CNNM2: variants seen among roughly 807,000 people sequenced by gnomAD.
CNNM2 encodes the protein cyclin and CBS domain divalent metal cation transport mediator 2.
In CNNM2, 12 loss-of-function variants were observed where a neutral mutation model predicts 66.9. The ratio of observed to expected loss-of-function variants is 0.18; its 90% CI spans 0.11 to 0.29. The LOEUF is 0.29. Ranked by LOEUF, CNNM2 falls within the 10% of genes least tolerant of loss-of-function variation. The pLI, the probability that CNNM2 is intolerant of heterozygous loss-of-function variation, is 1.00. For synonymous variants in CNNM2, 557 were observed against 501.8 expected, an observed-to-expected ratio of 1.11 and a Z score of -1.47; for missense variants, 705 against 1,167.7, an observed-to-expected ratio of 0.60 and a Z score of 5.77.
chr10:102,994,106 T>A (rs1246717697), intron 1 of CNNM2, among the ~76,000 whole-genome samples: 1 of 152,064 alleles, frequency 6.6e-6, no homozygotes, highest in Non-Finnish European at 1.5e-5. Flanking sequence ...CGAGCTAATT[T>A]TTGTATTTTT....
chr10:102,964,957 G>A (rs1042725001), intron 1 of CNNM2, among the ~76,000 whole-genome samples: 1 of 152,100 alleles, frequency 6.6e-6, no homozygotes, highest in Non-Finnish European at 1.5e-5. Flanking sequence ...TCAGCACTTG[G>A]CCCTCCTACT....
intron 1 of CNNM2, among the ~76,000 whole-genome samples, chr10:102,983,699 C>G (rs909141693): frequency 2.0e-5 from 3 of 152,028 alleles, no homozygotes; most frequent in Non-Finnish European, 1.5e-5. Flanking sequence ...CCTTGTCTTC[C>G]CAAAGTGCTG....
intron 1 of CNNM2, among the ~76,000 whole-genome samples, chr10:102,924,511 T>G (rs983232563): frequency 6.6e-6 from 1 of 152,254 alleles, no homozygotes; most frequent in African/African-American, 2.4e-5. Context: ...TTAGGTAATT[T>G]CTTTCTATAA....
Position 102,976,611 on chromosome 10 carries a change from A to ATTTTTTTTTTT in CNNM2, c.1621+56528_1621+56538dup, listed in dbSNP as rs66498944. Among the ~76,000 whole-genome samples, 250 of 59,436 alleles carry ATTTTTTTTTTT rather than the reference A, an allele frequency of 4.2e-3. 11 individuals carry two copies. Among genetic ancestry groups the ATTTTTTTTTTT allele is most frequent in the African/African-American group, 5.3e-3 (67 of 12,652 alleles). The allele number at this position is 59,436 out of a possible 152,430, so 39.0% of individuals were successfully genotyped here. A position where few individuals can be genotyped will look rare whatever the true frequency, so the allele number is the denominator to read the frequency against. On this transcript the variant is annotated intron_variant, in intron 1 of 7. Transcript: ENST00000369878. The stretch of plus-strand genomic sequence containing the variant: ...CAGGTGTGCGCCACACGCCCAGGTA[A>ATTTTTTTTTTT]TTTTTTTTTTTTTTTTTTTTTTTTT...
chr10:103,024,684 TAGTC>T (rs2064664624), intron 1 of CNNM2, among the ~76,000 whole-genome samples: 1 of 152,088 alleles, frequency 6.6e-6, no homozygotes, highest in South Asian at 2.1e-4. Context: ...TTCACCGTGT[TAGTC>T]AGGATGATCT....
intron 1 of CNNM2, among the ~76,000 whole-genome samples, chr10:103,013,996 G>C (rs765128694): frequency 1.2e-4 from 18 of 152,136 alleles, no homozygotes; most frequent in Non-Finnish European, 2.2e-4. Flanking sequence ...GAAACTCCTA[G>C]AGTAAGTAAG....
At chr10:102,931,847 A>T (rs1590267675) in intron 1 of CNNM2, among the ~76,000 whole-genome samples, 4 of 122,818 alleles carry the variant, frequency 3.3e-5, no homozygotes, top group East Asian at 5.3e-4. Flanking sequence ...TGTTATTGTT[A>T]AAAAAAAAAA....
At chr10:103,041,972 C>G (rs952586142) in intron 1 of CNNM2, among the ~76,000 whole-genome samples, 22 of 152,212 alleles carry the variant, frequency 1.4e-4, no homozygotes, top group Admixed American at 1.2e-3. Flanking sequence ...TTGTCTGTAG[C>G]TTACCTCTGT....
rs558963784 is a variant in CNNM2 at position 102,933,547 on chromosome 10, G to A, written c.1621+13446G>A. Among the ~76,000 whole-genome samples, 14 of 152,174 alleles carry A rather than the reference G, an allele frequency of 9.2e-5. No homozygotes were observed. In the South Asian group the frequency reaches 2.9e-3, roughly 32 times the overall value. ...AGAAAAATGCTTTTAAAAAACATGA[G>A]TTTGTTGAGGTTATCTTACATTTAC... On this transcript the variant is annotated intron_variant, in intron 1 of 7. Coordinates refer to ENST00000369878, the MANE Select transcript of CNNM2 (RefSeq NM_017649.5).
chr10:103,020,698 C>A (rs1355501051), intron 1 of CNNM2, among the ~76,000 whole-genome samples: 2 of 151,810 alleles, frequency 1.3e-5, no homozygotes, highest in Non-Finnish European at 2.9e-5. Flanking sequence ...TGTGGCCAGG[C>A]AAATAAGATG....
rs1003049476 is a variant in CNNM2 at position 103,077,239 on chromosome 10, G to A, written c.*59G>A. On this transcript the variant is annotated 3_prime_UTR_variant, in exon 8 of 8. Coordinates refer to ENST00000369878, the MANE Select transcript of CNNM2 (RefSeq NM_017649.5). ...CGCCCAGTCCCGAGGGCCCGGCCCT[G>A]TCTGCCCATGACTTCACTGGTGTGA... 5.4e-6 allele frequency: 8 copies of A among 1,484,542 alleles called. No individual in the cohort carries two copies. The African/African-American group carries it at 9.6e-5, about 18-fold the overall frequency. 92.0% of individuals were successfully genotyped at this position (1,484,542 alleles called of 1,614,324 possible). A position where few individuals can be genotyped will look rare whatever the true frequency, so the allele number is the denominator to read the frequency against.
intron 1 of CNNM2, among the ~76,000 whole-genome samples, chr10:102,988,336 G>C (rs918474380): frequency 3.3e-5 from 5 of 152,004 alleles, no homozygotes; most frequent in African/African-American, 1.2e-4. Context: ...AAAGGCGTGG[G>C]ACAAAGATAG....
At chr10:103,046,932 T>C (rs1211145533) in intron 1 of CNNM2, among the ~76,000 whole-genome samples, 1 of 152,226 alleles carries the variant, frequency 6.6e-6, no homozygotes, top group Non-Finnish European at 1.5e-5. Flanking sequence ...TCTGAAACCA[T>C]ACCAGTAGAC....
At chr10:102,968,338 C>G (rs1229455310) in intron 1 of CNNM2, among the ~76,000 whole-genome samples, 4 of 152,076 alleles carry the variant, frequency 2.6e-5, no homozygotes, top group Non-Finnish European at 4.4e-5. Context: ...CCTCTGCCTC[C>G]TGGGTTCAAG....
At chr10:103,001,458 G>A (rs944860471) in intron 1 of CNNM2, among the ~76,000 whole-genome samples, 2 of 152,154 alleles carry the variant, frequency 1.3e-5, no homozygotes, top group Non-Finnish European at 2.9e-5. Context: ...ATTGAGACTA[G>A]AAATAAACCC....
At chr10:103,000,759 A>G (rs1362646890) in intron 1 of CNNM2, among the ~76,000 whole-genome samples, 4 of 152,096 alleles carry the variant, frequency 2.6e-5, no homozygotes, top group Non-Finnish European at 5.9e-5. Flanking sequence ...TTTGTATTTT[A>G]GTAGAGATGG....
intron 1 of CNNM2, among the ~76,000 whole-genome samples, chr10:103,027,018 C>A (rs2064721946): frequency 6.6e-6 from 1 of 152,152 alleles, no homozygotes; most frequent in South Asian, 2.1e-4. Context: ...GAATTCTAAT[C>A]ATAAACATGG....
chr10:102,992,307 C>T (rs2063913668), intron 1 of CNNM2, among the ~76,000 whole-genome samples: 1 of 107,640 alleles, frequency 9.3e-6, no homozygotes. Flanking sequence ...GCAGTTTGCT[C>T]TCTTGCCCAG....
In CNNM2 at chr10:103,054,189, C is replaced by T. The variant is rs938369555; in HGVS notation, c.1766-140C>T. On this transcript the variant is annotated intron_variant, in intron 2 of 7. Transcript: ENST00000369878. This position sits in a 1 kb window ranked among gnomAD's most constrained non-coding sequence, Gnocchi z 5.2. ...ATCTGGCTCTCCCTCCCTCCTTCCC[C>T]GTGGCATCTGTGCATAGAGCGCCTG... The T allele has an allele frequency of 3.3e-5, 30 of 902,618 alleles. No individual in the cohort carries two copies. The East Asian group carries it at 5.6e-4, about 17-fold the overall frequency. 55.9% of individuals were successfully genotyped at this position (902,618 alleles called of 1,614,324 possible). A position where few individuals can be genotyped will look rare whatever the true frequency, so the allele number is the denominator to read the frequency against.
Sources: allele counts gnomAD v4.1 joint callset (sites outside exome capture counted in the v4.1 genomes callset), GRCh38; gene constraint gnomAD v4.1.1; non-coding constraint Gnocchi (gnomAD v3.1); transcripts MANE v1.5; gene names NCBI Gene and HGNC (gene_info 2026-07-23, HGNC 2026-07-21).